LYST: variants seen among roughly 807,000 people sequenced by gnomAD.
The protein encoded by LYST is lysosomal trafficking regulator.
LYST carries 192 observed loss-of-function variants against 413.6 expected under a neutral mutation model. That is an observed-to-expected ratio of 0.46 (90% CI 0.41 to 0.52). The LOEUF (loss-of-function observed/expected upper bound fraction) is 0.52, where lower values mean the gene tolerates loss of function less well. Among genes scored for constraint, LYST ranks in the 20% least tolerant of loss-of-function variants. The pLI is 0.00. For synonymous variants in LYST, 1,525 were observed against 1,567.3 expected, an observed-to-expected ratio of 0.97 and a Z score of 0.64; for missense variants, 3,815 against 4,499.9, an observed-to-expected ratio of 0.85 and a Z score of 4.35.
intron 38 of LYST, among the ~76,000 whole-genome samples, chr1:235,727,633 T>C (rs923408738): frequency 2.6e-5 from 4 of 152,176 alleles, no homozygotes; most frequent in African/African-American, 4.8e-5. Context: ...TTCTGATTAA[T>C]ATCAGTCTGT....
chr1:235,737,916 A>ATTAAGGAT, intron 31 of LYST: 24 of 1,163,406 alleles, frequency 2.1e-5, no homozygotes, highest in Admixed American at 1.3e-4. Context: ...GCTGCCGACG[A>ATTAAGGAT]GTCTGGATCT....
intron 3 of LYST, chr1:235,829,975 G>A (rs1048096137): frequency 1.1e-5 from 4 of 352,330 alleles, no homozygotes; most frequent in East Asian, 5.4e-5. Flanking sequence ...CTGATATTAC[G>A]ATAAAAAGCA....
chr1:235,759,143 T>G lies in LYST; in HGVS notation c.6710A>C (p.Gln2237Pro), dbSNP rs138443479. Residue 2237 changes from glutamine (Q) to proline (P), a missense_variant, in exon 23 of 53, where the codon CAG becomes CCG. Around this residue, in one of 4 missense-constraint regions of LYST, gnomAD observed 771 missense variants for 837.1 expected, o/e 0.92. Coordinates refer to ENST00000389793, the MANE Select transcript of LYST (RefSeq NM_000081.4). ...GCTTGCAATAGTGCTGTGGCTTCGC[T>G]GGAAGGAGGCCAATCCCTTTAGGTA... is the stretch of plus-strand genomic sequence containing the variant. ...PDYLKGLASFQRSHSTIASLG... is the reference protein window; with the variant it reads ...PDYLKGLASFPRSHSTIASLG... The G allele has an allele frequency of 1.3e-3, 2,136 of 1,614,070 alleles. 6 individuals are homozygous for G. The highest frequency in any genetic ancestry group is 1.5e-3 in the Non-Finnish European group (1,731 of 1,180,020).
intron 16 of LYST, among the ~76,000 whole-genome samples, chr1:235,778,121 A>ATATATATATATATATATATATTTT (rs1039912155): frequency 6.9e-6 from 1 of 145,260 alleles, no homozygotes; most frequent in African/African-American, 2.7e-5. Context: ...ATATATATAT[A>ATATATATATATATATATATATTTT]TTTTTGTAGA....
chr1:235,875,820 C>T (rs1408311818), intron 1 of LYST, among the ~76,000 whole-genome samples: 2 of 151,876 alleles, frequency 1.3e-5, no homozygotes, highest in Non-Finnish European at 1.5e-5. Context: ...GGTGACAGAG[C>T]GAGACTCTGT....
At position 235,809,515 on chromosome 1, in the gene LYST, C is replaced by A; in HGVS notation, c.1303G>T (p.Glu435Ter). Residue 435 changes from glutamate to a stop codon, truncating the protein, a stop_gained, in exon 5 of 53, where the codon GAA becomes TAA. Coordinates refer to ENST00000389793, the MANE Select transcript of LYST (RefSeq NM_000081.4). LOFTEE classifies it high-confidence loss of function. This position sits in a 1 kb window ranked among gnomAD's most constrained non-coding sequence, Gnocchi z 4.0. ...YFSQAMDLVQ[E>*]FIQHHGFNLF... Reference sequence around the variant, plus strand: ...TTAAATCCATGATGCTGAATGAATTCTTGAACCAAATCCATGGCTTGACTG... The same window carrying A: ...TTAAATCCATGATGCTGAATGAATTATTGAACCAAATCCATGGCTTGACTG... 1 of 1,614,040 alleles carries A rather than the reference C, an allele frequency of 6.2e-7. No homozygotes were observed. Among genetic ancestry groups the A allele is most frequent in the Non-Finnish European group, 8.5e-7 (1 of 1,179,996 alleles).
chr1:235,761,910 G>A (rs1667624304), intron 22 of LYST, among the ~76,000 whole-genome samples: 2 of 143,506 alleles, frequency 1.4e-5, no homozygotes, highest in African/African-American at 5.2e-5. Context: ...GATACAGAAA[G>A]ATTCTGTTCA....
At chr1:235,728,503 C>A (rs1029830336) in intron 37 of LYST, among the ~76,000 whole-genome samples, 1 of 152,160 alleles carries the variant, frequency 6.6e-6, no homozygotes, top group Admixed American at 6.6e-5. Flanking sequence ...TTGTTCCACA[C>A]TAATTGAAGT....
chr1:235,771,790 C>T (rs1668698860), intron 19 of LYST, among the ~76,000 whole-genome samples: 1 of 151,912 alleles, frequency 6.6e-6, no homozygotes, highest in Non-Finnish European at 1.5e-5. Flanking sequence ...TCTTGAATTG[C>T]CTCTTCATGT....
At chr1:235,783,590 T>A (rs1470291219) in intron 14 of LYST, among the ~76,000 whole-genome samples, 1 of 152,044 alleles carries the variant, frequency 6.6e-6, no homozygotes, top group Non-Finnish European at 1.5e-5. Context: ...ATGGCACATG[T>A]ATACCTATGT....
chr1:235,759,640 T>C, intron 22 of LYST, 41 bp from the exon 23 acceptor site: 6 of 1,442,130 alleles, frequency 4.2e-6, no homozygotes, highest in Non-Finnish European at 5.9e-6. Flanking sequence ...AAAAATCTAT[T>C]AAGTGGAACC....
chr1:235,744,835 G>T (rs932250701), intron 29 of LYST, among the ~76,000 whole-genome samples: 1 of 149,890 alleles, frequency 6.7e-6, no homozygotes, highest in African/African-American at 2.5e-5. Flanking sequence ...AGGAGGTAAA[G>T]GTTGCAGTGA....
Position 235,810,231 on chromosome 1 carries a change from G to T in LYST, c.587C>A (p.Pro196His). 6.2e-7 allele frequency: 1 copy of T among 1,614,086 alleles called. No individual in the cohort carries two copies. ...HLLHHFLTSFPKQDHPKAKLD... is the reference protein window; with the variant it reads ...HLLHHFLTSFHKQDHPKAKLD... Reference sequence around the variant, plus strand: ...TTTAGCTTTGGGGTGGTCTTGTTTAGGAAACGATGTTAAAAAATGATGCAG... The same window carrying T: ...TTTAGCTTTGGGGTGGTCTTGTTTATGAAACGATGTTAAAAAATGATGCAG... Residue 196 changes from proline to histidine, a missense_variant, in exon 5 of 53, where the codon CCT (proline) becomes CAT (histidine). Pro to His is a moderately conservative substitution (Grantham distance 77, BLOSUM62 -2). Around this residue, in one of 4 missense-constraint regions of LYST, gnomAD observed 1,648 missense variants for 1,810.3 expected, o/e 0.91. Transcript: ENST00000389793.
intron 50 of LYST, among the ~76,000 whole-genome samples, chr1:235,669,052 G>C (rs115414972): frequency 6.6e-6 from 1 of 152,134 alleles, no homozygotes; most frequent in Admixed American, 6.5e-5. Flanking sequence ...AACCCTAACA[G>C]GTATCTGTGG....
chr1:235,882,388 G>A (rs750309788), intron 1 of LYST, among the ~76,000 whole-genome samples: 3 of 152,186 alleles, frequency 2.0e-5, no homozygotes, highest in South Asian at 2.1e-4. Context: ...TGTGCCATGC[G>A]GAAGCTTTGG....
chr1:235,712,671 T>C (rs1662488996), intron 42 of LYST: 1 of 985,214 alleles, frequency 1.0e-6, no homozygotes, highest in Non-Finnish European at 1.2e-6. Flanking sequence ...TTTTCTCCTT[T>C]CTTTTCTTTC....
chr1:235,779,254 A>T (rs1028302562), intron 16 of LYST, among the ~76,000 whole-genome samples: 4 of 152,232 alleles, frequency 2.6e-5, no homozygotes, highest in Non-Finnish European at 4.4e-5. Flanking sequence ...CTCTCTAAAA[A>T]TAGTTTTCAC....
At chr1:235,740,347 C>T (rs747378283) in intron 31 of LYST, among the ~76,000 whole-genome samples, 1 of 151,932 alleles carries the variant, frequency 6.6e-6, no homozygotes, top group Non-Finnish European at 1.5e-5. Context: ...TCCATTTAAC[C>T]ACTACTCAAA....
chr1:235,685,636 A>T (rs937305331), intron 48 of LYST, among the ~76,000 whole-genome samples: 1 of 152,082 alleles, frequency 6.6e-6, no homozygotes, highest in African/African-American at 2.4e-5. Context: ...ACCTGAGCTC[A>T]GGAGCTCGAG....
Sources: gnomAD v4.1 joint callset for allele counts (sites outside exome capture counted in the v4.1 genomes callset) on GRCh38, gnomAD v4.1.1 for gene constraint, gnomAD v4.1.1 regional missense constraint, Gnocchi (gnomAD v3.1) non-coding constraint, MANE v1.5 for transcripts, NCBI Gene and HGNC (gene_info 2026-07-23, HGNC 2026-07-21) for gene names.